Variants in TOGARAM1 observed in about 807,000 individuals in gnomAD.
TOGARAM1 encodes TOG array regulator of axonemal microtubules protein 1.
TOGARAM1 carries 100 observed loss-of-function variants against 166.6 expected under a neutral mutation model. That is an observed-to-expected ratio of 0.60 (90% CI 0.51 to 0.71). TOGARAM1 has a LOEUF of 0.71. Ranked by LOEUF, TOGARAM1 falls within the 30% of genes least tolerant of loss-of-function variation. The pLI, the probability that TOGARAM1 is intolerant of heterozygous loss-of-function variation, is 0.00. For missense variants in TOGARAM1, 2,029 were observed against 2,102.7 expected, an observed-to-expected ratio of 0.96 and a Z score of 0.69; for synonymous variants, 758 against 763.8, an observed-to-expected ratio of 0.99 and a Z score of 0.13.
At chr14:45,021,766 C>T (rs1025681510) in intron 7 of TOGARAM1, among the ~76,000 whole-genome samples, 3 of 152,072 alleles carry the variant, frequency 2.0e-5, no homozygotes, top group African/African-American at 7.3e-5. Flanking sequence ...TTGACTAATA[C>T]CATGTCACCA....
chr14:45,073,401 C>G lies in TOGARAM1; in HGVS notation c.5162C>G (p.Pro1721Arg). ...AATATGACAAATAGTGGCTCTCTGC[C>G]TGGAGCTGGAGGAAATATACGAACA... ...LGNMTNSGSL[P>R]GAGGNIRTAT... Residue 1721 changes from proline (P) to arginine (R), a missense_variant, in exon 20 of 20, where the codon CCT becomes CGT. By Grantham distance (103) the Pro-to-Arg change is moderately radical. Transcript: ENST00000361462. The G allele has an allele frequency of 1.2e-6, 2 of 1,614,072 alleles. No individual in the cohort carries two copies. The highest frequency in any genetic ancestry group is 8.5e-7 in the Non-Finnish European group (1 of 1,180,010).
chr14:45,019,051 A>C (rs1211814811), intron 7 of TOGARAM1, among the ~76,000 whole-genome samples: 1 of 152,236 alleles, frequency 6.6e-6, no homozygotes, highest in Non-Finnish European at 1.5e-5. Flanking sequence ...GGCAACAAGA[A>C]CAAACACGTT....
Position 44,963,197 on chromosome 14 carries a change from C to A in TOGARAM1, c.776C>A (p.Ser259Tyr). 6.2e-7 allele frequency: 1 copy of A among 1,614,168 alleles called. No homozygotes were observed. The highest frequency in any genetic ancestry group is 8.5e-7 in the Non-Finnish European group (1 of 1,180,036). ...CTGGATCTCACCGAGGTGATAATAT[C>A]CCTAGCCCGAAAGCTTGGTGATCAG... is the stretch of plus-strand genomic sequence containing the variant. ...LGLDLTEVII[S>Y]LARKLGDQET... The change falls in exon 1 of 20, where the codon TCC (serine) becomes TAC (tyrosine). Residue 259 changes from serine to tyrosine, a missense_variant. Ser to Tyr is a moderately radical substitution (Grantham distance 144). This residue lies in a region of TOGARAM1 where 1,453 missense variants were observed against 1,432.2 expected (regional missense o/e 1.01). Coordinates refer to ENST00000361462, the MANE Select transcript of TOGARAM1 (RefSeq NM_001308120.2).
At chr14:44,979,876 A>G (rs1886434561) in intron 1 of TOGARAM1, among the ~76,000 whole-genome samples, 1 of 152,174 alleles carries the variant, frequency 6.6e-6, no homozygotes, top group Non-Finnish European at 1.5e-5. Flanking sequence ...ATTCCTGGCA[A>G]GGGAGATGGC....
At chr14:45,046,075 G>A (rs1423371907) in intron 13 of TOGARAM1, among the ~76,000 whole-genome samples, 2 of 152,052 alleles carry the variant, frequency 1.3e-5, no homozygotes, top group Non-Finnish European at 2.9e-5. Flanking sequence ...GATAAGTAAT[G>A]CAAATAATTT....
intron 1 of TOGARAM1, among the ~76,000 whole-genome samples, chr14:44,987,320 A>G (rs1454280973): frequency 6.6e-6 from 1 of 152,186 alleles, no homozygotes; most frequent in African/African-American, 2.4e-5. Context: ...TGAATAGGCA[A>G]CCTACAGAAT....
chr14:44,992,471 T>C (rs1887193499), intron 1 of TOGARAM1, among the ~76,000 whole-genome samples: 1 of 152,110 alleles, frequency 6.6e-6, no homozygotes, highest in African/African-American at 2.4e-5. Flanking sequence ...GAGAATTAGA[T>C]ATTAAAAGGT....
At chr14:44,978,657 G>T (rs1434481207) in intron 1 of TOGARAM1, among the ~76,000 whole-genome samples, 2 of 152,046 alleles carry the variant, frequency 1.3e-5, no homozygotes, top group Non-Finnish European at 2.9e-5. Flanking sequence ...AATTAGCCAG[G>T]CATGGTGGCA....
chr14:45,056,204 T>C (rs1594698761), intron 16 of TOGARAM1, among the ~76,000 whole-genome samples: 2 of 152,308 alleles, frequency 1.3e-5, no homozygotes, highest in South Asian at 2.1e-4. Context: ...AGAAATGCTA[T>C]TGATTTTTTT....
Position 45,006,140 on chromosome 14 carries a change from A to T in TOGARAM1, c.2777A>T (p.Lys926Ile). Residue 926 changes from lysine to isoleucine, a missense_variant, in exon 5 of 20, where the codon AAA becomes ATA. Coordinates refer to ENST00000361462, the MANE Select transcript of TOGARAM1 (RefSeq NM_001308120.2). ...IPRGISLLPD[K>I]ADLSTVGHKK... ...AGGGGAATAAGCCTTTTGCCTGATAAAGCTGATTTAAGCACAGTGGGACAC... is the reference window on the plus strand; with the variant it reads ...AGGGGAATAAGCCTTTTGCCTGATATAGCTGATTTAAGCACAGTGGGACAC... The T allele has an allele frequency of 1.9e-6, 3 of 1,614,154 alleles. No individual in the cohort carries two copies. Among genetic ancestry groups the T allele is most frequent in the Non-Finnish European group, 2.5e-6 (3 of 1,180,010 alleles).
At chr14:45,029,947 G>A (rs1489468574) in intron 10 of TOGARAM1, among the ~76,000 whole-genome samples, 4 of 151,824 alleles carry the variant, frequency 2.6e-5, no homozygotes, top group South Asian at 2.1e-4. Context: ...TCAGCTTCCC[G>A]AGTAGCTGGG....
intron 11 of TOGARAM1, chr14:45,042,253 A>T (rs1881762154): frequency 6.6e-6 from 1 of 152,154 alleles, no homozygotes; most frequent in Non-Finnish European, 1.5e-5. Context: ...GTTAAGATAT[A>T]AACCAGACCA....
chr14:45,055,729 A>G (rs1051022386), intron 16 of TOGARAM1, among the ~76,000 whole-genome samples: 1 of 145,864 alleles, frequency 6.9e-6, no homozygotes, highest in Non-Finnish European at 1.5e-5. Flanking sequence ...GCTTGAATCC[A>G]GGAGGCGGAG....
At chr14:44,992,872 C>G (rs1192227685) in intron 1 of TOGARAM1, among the ~76,000 whole-genome samples, 1 of 151,462 alleles carries the variant, frequency 6.6e-6, no homozygotes, top group Non-Finnish European at 1.5e-5. Context: ...CTGCCTGGGC[C>G]TCCCAAAGTG....
chr14:45,073,716 T>C lies in TOGARAM1; in HGVS notation c.*155T>C, dbSNP rs1377057554. The C allele has an allele frequency of 4.9e-6, 3 of 618,010 alleles. No individual in the cohort carries two copies. The highest frequency in any genetic ancestry group is 3.3e-5 in the Admixed American group (1 of 30,106). The allele number at this position is 618,010 out of a possible 1,614,324, so 38.3% of individuals were successfully genotyped here. On this transcript the variant is annotated 3_prime_UTR_variant, in exon 20 of 20. Coordinates refer to ENST00000361462, the MANE Select transcript of TOGARAM1 (RefSeq NM_001308120.2). ...AGCCTATGAGTACACATCTGTCCTA[T>C]ATCAACCTTACCACTTATATTCATC...
intron 1 of TOGARAM1, among the ~76,000 whole-genome samples, chr14:44,977,256 A>G (rs1164143009): frequency 8.0e-6 from 1 of 124,276 alleles, no homozygotes; most frequent in African/African-American, 3.3e-5. Flanking sequence ...TTTTTTTGAG[A>G]TGGAGTCTTG....
intron 11 of TOGARAM1, among the ~76,000 whole-genome samples, chr14:45,036,021 T>C (rs1421464715): frequency 3.4e-5 from 5 of 147,118 alleles, no homozygotes; most frequent in Non-Finnish European, 5.9e-5. Context: ...TCCCAGCTAA[T>C]CAGGAGGCTG....
intron 15 of TOGARAM1, 148 bp downstream of exon 15, chr14:45,052,710 A>G (rs1410137236): frequency 8.9e-6 from 6 of 671,120 alleles, no homozygotes; most frequent in Non-Finnish European, 1.4e-5. Flanking sequence ...CATTTCAACA[A>G]TTACAATACT....
chr14:44,965,026 C>T (rs1885449061), intron 1 of TOGARAM1, among the ~76,000 whole-genome samples: 1 of 150,996 alleles, frequency 6.6e-6, no homozygotes, highest in Non-Finnish European at 1.5e-5. Context: ...GAGATTTTCC[C>T]CCCAAAGCTT....
Sources: allele counts gnomAD v4.1 joint callset (sites outside exome capture counted in the v4.1 genomes callset), GRCh38; gene constraint gnomAD v4.1.1; regional missense constraint gnomAD v4.1.1; transcripts MANE v1.5; gene names NCBI Gene and HGNC (gene_info 2026-07-23, HGNC 2026-07-21).